CADM1: variants seen among roughly 807,000 people sequenced by gnomAD.
The protein encoded by CADM1 is TSLC-1.
CADM1 carries 15 observed loss-of-function variants against 53.1 expected under a neutral mutation model. That is an observed-to-expected ratio of 0.28 (90% CI 0.19 to 0.44). The LOEUF is 0.44. Ranked by LOEUF, CADM1 falls within the 20% of genes least tolerant of loss-of-function variation. The pLI, the probability that CADM1 is intolerant of heterozygous loss-of-function variation, is 1.00. For missense variants in CADM1, 434 were observed against 611.3 expected (o/e 0.71, Z 3.06); for synonymous variants, 281 against 243.0 (o/e 1.16, Z -1.45).
intron 1 of CADM1, among the ~76,000 whole-genome samples, chr11:115,243,189 C>T (rs1010511862): frequency 6.6e-6 from 1 of 152,110 alleles, no homozygotes; most frequent in African/African-American, 2.4e-5. Flanking sequence ...AAATGTTTGC[C>T]CTTGCTGTGC....
chr11:115,239,001 A>G (rs1042148194), intron 2 of CADM1, among the ~76,000 whole-genome samples: 5 of 152,072 alleles, frequency 3.3e-5, no homozygotes, highest in African/African-American at 9.7e-5. Context: ...GAGATAGACA[A>G]AAAGAAAACA....
At chr11:115,368,077 C>A (rs145664999) in intron 1 of CADM1, among the ~76,000 whole-genome samples, 33 of 150,280 alleles carry the variant, frequency 2.2e-4, no homozygotes, top group African/African-American at 7.3e-4. Context: ...AAAAACTCCC[C>A]AGGCACAAAA....
At chr11:115,237,180 C>T (rs1942038668) in intron 3 of CADM1, among the ~76,000 whole-genome samples, 1 of 152,090 alleles carries the variant, frequency 6.6e-6, no homozygotes, top group Admixed American at 6.6e-5. Flanking sequence ...TTTATGCTTG[C>T]GAATTTGGTA....
chr11:115,238,165 TCTC>T (rs1565316995), intron 3 of CADM1, among the ~76,000 whole-genome samples: 1 of 152,074 alleles, frequency 6.6e-6, no homozygotes, highest in Non-Finnish European at 1.5e-5. Flanking sequence ...CATCTCCCCT[TCTC>T]CTGCACACAA....
intron 1 of CADM1, among the ~76,000 whole-genome samples, chr11:115,401,702 A>C (rs1947160819): frequency 6.6e-6 from 1 of 152,208 alleles, no homozygotes; most frequent in African/African-American, 2.4e-5. Flanking sequence ...AGGCAGGGAA[A>C]ATACTGTATA....
At chr11:115,404,347 ATATAT>A (rs1285598738) in intron 1 of CADM1, among the ~76,000 whole-genome samples, 63 of 43,520 alleles carry the variant, frequency 1.4e-3, no homozygotes, top group Admixed American at 2.0e-3. Context: ...AAAAAAAAAA[ATATAT>A]ATATATATAT....
chr11:115,384,926 AT>A (rs1445915240), intron 1 of CADM1, among the ~76,000 whole-genome samples: 3 of 152,090 alleles, frequency 2.0e-5, no homozygotes, highest in African/African-American at 7.2e-5. Flanking sequence ...GAGTCTTTAG[AT>A]TTCATTTCAT....
chr11:115,198,215 T>C (rs918066250), intron 9 of CADM1, among the ~76,000 whole-genome samples, 191 bp downstream of exon 9: 5 of 152,210 alleles, frequency 3.3e-5, no homozygotes, highest in Admixed American at 1.3e-4. Context: ...CTTGCATCCA[T>C]TGGGTACTGA....
At chr11:115,354,607 G>C (rs1194845638) in intron 1 of CADM1, among the ~76,000 whole-genome samples, 2 of 152,156 alleles carry the variant, frequency 1.3e-5, no homozygotes, top group African/African-American at 4.8e-5. Flanking sequence ...TCCTTTCTTT[G>C]AAGGGATTTA....
intron 1 of CADM1, among the ~76,000 whole-genome samples, chr11:115,334,386 C>A (rs1945209326): frequency 6.6e-6 from 1 of 151,956 alleles, no homozygotes; most frequent in Admixed American, 6.6e-5. Context: ...GTAGTCCCCC[C>A]CTTATCTGTA....
rs191317989 is a variant in CADM1 at position 115,335,371 on chromosome 11, T to C, written c.125-94951A>G. Among the ~76,000 whole-genome samples the C allele has an allele frequency of 5.0e-3, 765 of 152,270 alleles. 8 individuals carry two copies. Among genetic ancestry groups the C allele is most frequent in the Non-Finnish European group, 7.2e-3 (490 of 67,990 alleles). ...TAAAGTTTGGCTTAATAGAGAACAA[T>C]TGGCTTTTCACATTTGCTTCTTCAT... On this transcript the variant is annotated intron_variant, in intron 1 of 11. Transcript: ENST00000331581.
chr11:115,221,793 G>A (rs1389164161), intron 5 of CADM1, among the ~76,000 whole-genome samples: 1 of 152,122 alleles, frequency 6.6e-6, no homozygotes, highest in Non-Finnish European at 1.5e-5. Flanking sequence ...ACCCTTCCAG[G>A]GTAGCAGAGA....
chr11:115,198,743 A>C (rs1940282124), intron 8 of CADM1, among the ~76,000 whole-genome samples: 1 of 152,212 alleles, frequency 6.6e-6, no homozygotes, highest in Admixed American at 6.5e-5. Context: ...AGTGATGAGA[A>C]ACACCAGTGC....
At chr11:115,335,711 T>C (rs1945250561) in intron 1 of CADM1, among the ~76,000 whole-genome samples, 1 of 152,088 alleles carries the variant, frequency 6.6e-6, no homozygotes, top group African/African-American at 2.4e-5. Flanking sequence ...ATTTGGAAAA[T>C]ATTAGTTCAC....
intron 9 of CADM1, among the ~76,000 whole-genome samples, chr11:115,191,438 G>A (rs1939859941): frequency 6.6e-6 from 1 of 152,184 alleles, no homozygotes; most frequent in African/African-American, 2.4e-5. Context: ...GCTAACTGCA[G>A]ATTGCAGGTT....
At chr11:115,309,187 T>C (rs1215243093) in intron 1 of CADM1, among the ~76,000 whole-genome samples, 2 of 152,166 alleles carry the variant, frequency 1.3e-5, no homozygotes, top group African/African-American at 4.8e-5. Context: ...AAGTTCTGTT[T>C]ATTCTTTCTC....
intron 1 of CADM1, among the ~76,000 whole-genome samples, chr11:115,462,256 T>C (rs559941507): frequency 6.6e-6 from 1 of 152,174 alleles, no homozygotes; most frequent in Admixed American, 6.5e-5. Context: ...TAAATCGTGA[T>C]CTATTTCAGA....
At chr11:115,320,134 G>A (rs532907930) in intron 1 of CADM1, among the ~76,000 whole-genome samples, 1 of 152,178 alleles carries the variant, frequency 6.6e-6, no homozygotes, top group East Asian at 1.9e-4. Context: ...TGCGATCATA[G>A]CTCACTGCAG....
At chr11:115,465,337 G>A (rs1948876409) in intron 1 of CADM1, among the ~76,000 whole-genome samples, 1 of 152,100 alleles carries the variant, frequency 6.6e-6, no homozygotes, top group African/African-American at 2.4e-5. Context: ...GATCCAAAAA[G>A]CTCCATATGA....
Sources: allele counts gnomAD v4.1 joint callset (sites outside exome capture counted in the v4.1 genomes callset), GRCh38; gene constraint gnomAD v4.1.1; transcripts MANE v1.5; gene names NCBI Gene and HGNC (gene_info 2026-07-23, HGNC 2026-07-21).